Variants in LTN1 observed in about 807,000 individuals in gnomAD.
The protein encoded by LTN1 is listerin E3 ubiquitin protein ligase 1.
In LTN1, 88 loss-of-function variants were observed where a neutral mutation model predicts 201.2. That is an observed-to-expected ratio of 0.44 (90% CI 0.37 to 0.52). LTN1 has a LOEUF of 0.52. Ranked by LOEUF, LTN1 falls within the 20% of genes least tolerant of loss-of-function variation. LTN1 has a pLI of 0.00. For missense variants in LTN1, 1,752 were observed against 2,038.7 expected, an observed-to-expected ratio of 0.86 and a Z score of 2.71; for synonymous variants, 645 against 713.5, an observed-to-expected ratio of 0.90 and a Z score of 1.53.
At chr21:28,984,622 C>T in intron 4 of LTN1, 70 bp downstream of exon 4, 1 of 1,063,574 alleles carries the variant, frequency 9.4e-7, no homozygotes, top group Non-Finnish European at 1.4e-6. Flanking sequence ...AGTAAAAGAG[C>T]TGTCATTATG....
chr21:28,936,600 G>C lies in LTN1; in HGVS notation c.4580C>G (p.Ala1527Gly). The C allele has an allele frequency of 6.2e-7, 1 of 1,613,884 alleles. No homozygotes were observed. The highest frequency in any genetic ancestry group is 1.3e-5 in the African/African-American group (1 of 75,034). ...FRLMPENPTY[A>G]ETAVEVPNKD... ...ATTTGGGACCTCAACTGCTGTCTCT[G>C]CATAGGTTGGATTTTCTGGCATAAG... The change falls in exon 26 of 30, where the codon GCA becomes GGA. Residue 1527 changes from alanine (A) to glycine (G), a missense_variant. By Grantham distance (60) the Ala-to-Gly change is moderately conservative. This residue lies in a region of LTN1 where 261 missense variants were observed against 350.1 expected (regional missense o/e 0.75). Coordinates refer to ENST00000361371, the MANE Select transcript of LTN1 (RefSeq NM_015565.3).
chr21:28,992,453 C>T (rs1833455618), intron 1 of LTN1, among the ~76,000 whole-genome samples: 1 of 152,190 alleles, frequency 6.6e-6, no homozygotes, highest in Non-Finnish European at 1.5e-5. Flanking sequence ...CCTCCCCCAA[C>T]CAACCCGCTA....
At chr21:28,959,884 A>G (rs912369380) in intron 12 of LTN1, 187 bp from the exon 13 acceptor site, 8 of 522,968 alleles carry the variant, frequency 1.5e-5, no homozygotes, top group Non-Finnish European at 2.6e-5. Context: ...GCAGTTTTAA[A>G]TTAAGTAGAA....
At chr21:28,960,326 C>T (rs1046557926) in intron 12 of LTN1, among the ~76,000 whole-genome samples, 191 bp downstream of exon 12, 2 of 148,504 alleles carry the variant, frequency 1.3e-5, no homozygotes, top group African/African-American at 5.0e-5. Flanking sequence ...CACTGCACTC[C>T]AGCCTAGACG....
intron 6 of LTN1, among the ~76,000 whole-genome samples, chr21:28,978,151 C>T (rs2084631262): frequency 6.6e-6 from 1 of 152,040 alleles, no homozygotes; most frequent in Non-Finnish European, 1.5e-5. Flanking sequence ...GCCTCAGTCT[C>T]CAAGCAGCTG....
intron 6 of LTN1, among the ~76,000 whole-genome samples, chr21:28,975,568 T>C (rs543603570): frequency 2.0e-5 from 3 of 152,286 alleles, no homozygotes; most frequent in South Asian, 4.1e-4. Context: ...AAAGTAGCCA[T>C]AGATAATACA....
intron 21 of LTN1, among the ~76,000 whole-genome samples, chr21:28,945,205 A>G (rs1405834052): frequency 1.3e-5 from 2 of 152,122 alleles, no homozygotes; most frequent in Non-Finnish European, 2.9e-5. Flanking sequence ...TAAGCAACAG[A>G]GCGAGATTCT....
intron 14 of LTN1, 133 bp downstream of exon 14, chr21:28,958,253 C>T: frequency 1.3e-6 from 1 of 784,132 alleles, no homozygotes; most frequent in South Asian, 2.2e-5. Flanking sequence ...CCTCAGCCTA[C>T]TGAGTAGCTG....
intron 19 of LTN1, 31 bp from the exon 20 acceptor site, chr21:28,946,318 A>G: frequency 6.8e-7 from 1 of 1,473,048 alleles, no homozygotes; most frequent in Non-Finnish European, 9.1e-7. Context: ...AAAATTAAAA[A>G]TATTTAAGAA....
rs1180560338 is a variant in LTN1 at position 28,946,662 on chromosome 21, G to T, written c.3488-375C>A. Among the ~76,000 whole-genome samples, 3 of 152,146 alleles carry T rather than the reference G, an allele frequency of 2.0e-5. No homozygotes were observed. The East Asian group carries it at 5.8e-4, about 29-fold the overall frequency. On this transcript the variant is annotated intron_variant, in intron 19 of 29. Coordinates refer to ENST00000361371, the MANE Select transcript of LTN1 (RefSeq NM_015565.3). ...AGCTGGAAACAGCAAATGGAAAATA[G>T]AACATACTGTTTCATAATTTATACA... is the stretch of plus-strand genomic sequence containing the variant.
In LTN1 at chr21:28,957,334, G is replaced by C. The variant is rs370865488; in HGVS notation, c.2890C>G (p.Gln964Glu). ...WEKMRQSLPM[Q>E]WLHRPLLEGR... The stretch of plus-strand genomic sequence containing the variant: ...GTACTCTTCAATTTCCAAAATACCT[G>C]CATAGGAAGAGACTGCCTCATCTTT... The change falls in exon 15 of 30, where the codon CAG becomes GAG. Residue 964 changes from glutamine (Q) to glutamate (E), a missense_variant and splice_region_variant. Gln to Glu is a conservative substitution (Grantham distance 29, BLOSUM62 2). This residue lies in a region of LTN1 where 1,211 missense variants were observed against 1,312.8 expected (regional missense o/e 0.92). Coordinates refer to ENST00000361371, the MANE Select transcript of LTN1 (RefSeq NM_015565.3). The C allele has an allele frequency of 3.2e-6, 5 of 1,585,136 alleles. No homozygotes were observed.
intron 6 of LTN1, among the ~76,000 whole-genome samples, chr21:28,978,693 T>C (rs2084635683): frequency 6.6e-6 from 1 of 152,178 alleles, no homozygotes; most frequent in African/African-American, 2.4e-5. Context: ...GGAGCTTTTT[T>C]GCATTGCCTA....
At chr21:28,930,556 TCC>T in intron 29 of LTN1, 46 bp from the exon 30 acceptor site, 1 of 1,233,034 alleles carries the variant, frequency 8.1e-7, no homozygotes, top group Non-Finnish European at 1.2e-6. Flanking sequence ...TTTAAAGTTC[TCC>T]TCTAACATAC....
intron 19 of LTN1, among the ~76,000 whole-genome samples, chr21:28,946,906 A>G (rs1358393740): frequency 1.3e-5 from 2 of 152,140 alleles, no homozygotes; most frequent in Non-Finnish European, 2.9e-5. Flanking sequence ...ATGGAAAACT[A>G]TTTATCCTTC....
Position 28,992,835 on chromosome 21 carries a change from T to G in LTN1, c.-30A>C, listed in dbSNP as rs373388403. On this transcript the variant is annotated 5_prime_UTR_variant, in exon 1 of 30. Coordinates refer to ENST00000361371, the MANE Select transcript of LTN1 (RefSeq NM_015565.3). ...GCGGTTGCAGCTGTACTCTGAGCAC[T>G]CAGACCCCGGTTGACACGTCCGGGA... is the stretch of plus-strand genomic sequence containing the variant. The G allele has an allele frequency of 1.2e-6, 2 of 1,614,062 alleles. No individual in the cohort carries two copies. The highest frequency in any genetic ancestry group is 2.7e-5 in the African/African-American group (2 of 74,916).
chr21:28,939,469 C>A (rs1249991288), intron 25 of LTN1, among the ~76,000 whole-genome samples: 1 of 152,174 alleles, frequency 6.6e-6, no homozygotes, highest in African/African-American at 2.4e-5. Context: ...CCAGTTCAAT[C>A]TGATTTGCTA....
At chr21:28,930,726 C>A (rs560166785) in intron 29 of LTN1, among the ~76,000 whole-genome samples, 1 of 152,296 alleles carries the variant, frequency 6.6e-6, no homozygotes, top group East Asian at 1.9e-4. Flanking sequence ...GGCTCATGCA[C>A]ACAATCACTA....
chr21:28,981,140 A>G lies in LTN1; in HGVS notation c.789T>C (p.Tyr263=). ...ATACCTGAGGTACACTGTGTTTTCC[A>G]TACTTCCAAAACTTATTCTGTGATA... ...SLLSQNKFWK[Y]GKHSVPQIRS... is the part of the protein sequence containing the mutation. The change falls in exon 6 of 30, where the codon TAT becomes TAC. Residue 263 remains tyrosine, a synonymous_variant. Coordinates refer to ENST00000361371, the MANE Select transcript of LTN1 (RefSeq NM_015565.3). 1 of 1,567,260 alleles carries G rather than the reference A, an allele frequency of 6.4e-7. No homozygotes were observed. Among genetic ancestry groups the G allele is most frequent in the Admixed American group, 2.1e-5 (1 of 46,876 alleles).
intron 6 of LTN1, among the ~76,000 whole-genome samples, chr21:28,980,323 C>T (rs773369378): frequency 2.4e-4 from 33 of 137,564 alleles, no homozygotes; most frequent in Non-Finnish European, 1.8e-4. Flanking sequence ...GAGTTCAATG[C>T]TAATGAATCA....
Sources: gnomAD v4.1 joint callset for allele counts (sites outside exome capture counted in the v4.1 genomes callset) on GRCh38, gnomAD v4.1.1 for gene constraint, gnomAD v4.1.1 regional missense constraint, MANE v1.5 for transcripts, NCBI Gene and HGNC (gene_info 2026-07-23, HGNC 2026-07-21) for gene names.